Variants in PCDHGA10 observed in about 807,000 individuals in gnomAD.
PCDHGA10 encodes the protein protocadherin gamma subfamily A, 10, also known as protocadherin gamma-A10.
Under a neutral mutation model 59.5 loss-of-function variants are expected in PCDHGA10, and 42 were observed. That is an observed-to-expected ratio of 0.71 (90% confidence interval 0.55 to 0.91). PCDHGA10 has a LOEUF of 0.91. Ranked by LOEUF, PCDHGA10 falls within the 40% of genes least tolerant of loss-of-function variation. The pLI is 0.00. For synonymous variants in PCDHGA10, 511 were observed against 517.2 expected, an observed-to-expected ratio of 0.99 and a Z score of 0.16; for missense variants, 1,111 against 1,198.2, an observed-to-expected ratio of 0.93 and a Z score of 1.07.
At chr5:141,467,693 G>C (rs543886467) in intron 1 of PCDHGA10, among the ~76,000 whole-genome samples, 49 of 152,108 alleles carry the variant, frequency 3.2e-4, no homozygotes, top group African/African-American at 1.1e-3. Flanking sequence ...ACAGGGTCTG[G>C]CTCTGTTGCC....
intron 2 of PCDHGA10, among the ~76,000 whole-genome samples, chr5:141,498,967 G>A (rs896386012): frequency 1.5e-5 from 2 of 129,584 alleles, no homozygotes. Context: ...GAGGGAGGGA[G>A]GGAGGGAAGG....
intron 1 of PCDHGA10, among the ~76,000 whole-genome samples, chr5:141,482,782 G>T (rs775083331): frequency 1.6e-4 from 25 of 152,154 alleles, no homozygotes; most frequent in Non-Finnish European, 3.2e-4. Context: ...ACCTTAAACT[G>T]TGTGTGTGGC....
intron 1 of PCDHGA10, chr5:141,418,309 G>A (rs756375907): frequency 6.2e-7 from 1 of 1,614,008 alleles, no homozygotes; most frequent in South Asian, 1.1e-5. Flanking sequence ...GCCTGGGGAT[G>A]GGAACAATTC....
chr5:141,414,696 A>T lies in PCDHGA10; in HGVS notation c.1521A>T (p.Ser507=). 6.2e-7 allele frequency: 1 copy of T among 1,613,982 alleles called. No individual in the cohort carries two copies. The highest frequency in any genetic ancestry group is 8.5e-7 in the Non-Finnish European group (1 of 1,179,924). Residue 507 remains serine, a synonymous_variant, in exon 1 of 4, where the codon TCA becomes TCT. Coordinates refer to ENST00000398610, the MANE Select transcript of PCDHGA10 (RefSeq NM_018913.3). ...CCATCCAGGGGGTACCTCTGTCCTC[A>T]TACATATCCATCAACTCAGACACTG... The part of the protein sequence containing the change: ...EDTIQGVPLS[S]YISINSDTGV...
intron 1 of PCDHGA10, among the ~76,000 whole-genome samples, chr5:141,468,777 A>T (rs2099178581): frequency 6.7e-6 from 1 of 150,364 alleles, no homozygotes; most frequent in Non-Finnish European, 1.5e-5. Flanking sequence ...GAGGCAGGAG[A>T]ATGGCGTGAA....
chr5:141,458,059 T>A (rs533147047), intron 1 of PCDHGA10, among the ~76,000 whole-genome samples: 1 of 152,238 alleles, frequency 6.6e-6, no homozygotes, highest in Admixed American at 6.5e-5. Flanking sequence ...CTTGCTGCAC[T>A]GATGCGAACA....
chr5:141,437,388 C>T (rs1434464979), intron 1 of PCDHGA10, among the ~76,000 whole-genome samples: 1 of 152,186 alleles, frequency 6.6e-6, no homozygotes, highest in Non-Finnish European at 1.5e-5. Context: ...AGACATTCAT[C>T]CACTGCTTTC....
At position 141,512,951 on chromosome 5, in the gene PCDHGA10, AATAAT is replaced by A. The variant is rs1231390259; in HGVS notation, c.*1780_*1784del. 2.1e-5 allele frequency: 3 copies of A among 141,994 alleles called. No homozygotes were observed. Among genetic ancestry groups the A allele is most frequent in the Non-Finnish European group, 4.8e-5 (3 of 62,372 alleles). The allele number at this position is 141,994 out of a possible 1,614,324, so 8.8% of individuals were successfully genotyped here. A position where few individuals can be genotyped will look rare whatever the true frequency, so the allele number is the denominator to read the frequency against. On this transcript the variant is annotated 3_prime_UTR_variant, in exon 4 of 4. Coordinates refer to ENST00000398610, the MANE Select transcript of PCDHGA10 (RefSeq NM_018913.3). ...TATGGCTTTTTTTCTTCGACAAAAAAATAATAAAACGTTTCTTCTGAAAAGCTGAA... is the reference window on the plus strand; with the variant it reads ...TATGGCTTTTTTTCTTCGACAAAAAAAAAACGTTTCTTCTGAAAAGCTGAA...
In PCDHGA10 at chr5:141,415,396, G is replaced by C. The variant is rs11575962; in HGVS notation, c.2221G>C (p.Gly741Arg). ...ASGGGLTGVSGSHFVGVDGVR... is the reference protein window; with the variant it reads ...ASGGGLTGVSRSHFVGVDGVR... ...AGGAGGCGGCTTGACAGGTGTGTCCGGCTCGCACTTTGTGGGCGTGGACGG... is the reference window on the plus strand; with the variant it reads ...AGGAGGCGGCTTGACAGGTGTGTCCCGCTCGCACTTTGTGGGCGTGGACGG... Residue 741 changes from glycine (G) to arginine (R), a missense_variant, in exon 1 of 4, where the codon GGC becomes CGC. Transcript: ENST00000398610. 1.2e-6 allele frequency: 2 copies of C among 1,614,204 alleles called. No homozygotes were observed. The highest frequency in any genetic ancestry group is 1.7e-6 in the Non-Finnish European group (2 of 1,180,046).
In PCDHGA10 at chr5:141,485,340, C is replaced by T. The variant is rs139641513; in HGVS notation, c.2437-9467C>T. ...GTCGCTCAAGATTTCCTGCTGGATA[C>T]GGACAGTCTGTCAGCTCGCAGGCTG... is the stretch of plus-strand genomic sequence containing the variant. On this transcript the variant is annotated intron_variant, in intron 1 of 3. Coordinates refer to ENST00000398610, the MANE Select transcript of PCDHGA10 (RefSeq NM_018913.3). This position sits in a 1 kb window ranked among gnomAD's most constrained non-coding sequence, Gnocchi z 5.7. 1.2e-6 allele frequency: 2 copies of T among 1,613,958 alleles called. No individual in the cohort carries two copies. Among genetic ancestry groups the T allele is most frequent in the East Asian group, 2.2e-5 (1 of 44,884 alleles).
intron 1 of PCDHGA10, among the ~76,000 whole-genome samples, chr5:141,437,390 A>T (rs1422429346): frequency 6.6e-6 from 1 of 152,248 alleles, no homozygotes; most frequent in Non-Finnish European, 1.5e-5. Flanking sequence ...ACATTCATCC[A>T]CTGCTTTCAT....
At chr5:141,482,530 CAAAAAAA>C (rs3074545) in intron 1 of PCDHGA10, among the ~76,000 whole-genome samples, 2 of 76,560 alleles carry the variant, frequency 2.6e-5, no homozygotes, top group South Asian at 4.6e-4. Flanking sequence ...GACAGACATG[CAAAAAAA>C]AAAAAAAAAA....
chr5:141,414,623 C>G lies in PCDHGA10; in HGVS notation c.1448C>G (p.Pro483Arg). The change falls in exon 1 of 4, where the codon CCG (proline) becomes CGG (arginine). Residue 483 changes from proline (P) to arginine (R), a missense_variant. Physicochemically the swap from Pro to Arg is moderately radical, Grantham distance 103. Transcript: ENST00000398610. ...ATCTTCTCAGTGACAGCGCTGGACC[C>G]GGACAGCAAAGAGAATGCCCAGATT... ...ASIFSVTALD[P>R]DSKENAQIIY... 6.2e-7 allele frequency: 1 copy of G among 1,613,938 alleles called. No homozygotes were observed. The highest frequency in any genetic ancestry group is 1.1e-5 in the South Asian group (1 of 91,076).
At position 141,414,258 on chromosome 5, in the gene PCDHGA10, TG is replaced by T; in HGVS notation, c.1084del (p.Glu362LysfsTer9). The T allele has an allele frequency of 6.2e-7, 1 of 1,613,492 alleles. No homozygotes were observed. The highest frequency in any genetic ancestry group is 8.5e-7 in the Non-Finnish European group (1 of 1,179,736). ...TCACGTCTCTATTTAGTCCAGTGAC[TG>T]AAGATTCACCTCTGGGAACAGTCGT... is the stretch of plus-strand genomic sequence containing the variant. ...TITSLFSPVT[E>X]DSPLGTVVAL... On this transcript the variant is annotated frameshift_variant, in exon 1 of 4. Transcript: ENST00000398610. LOFTEE classifies it high-confidence loss of function.
At chr5:141,433,034 C>G (rs1357694242) in intron 1 of PCDHGA10, 2 of 1,614,184 alleles carry the variant, frequency 1.2e-6, no homozygotes, top group Non-Finnish European at 1.7e-6. Flanking sequence ...CGAGGTTTCC[C>G]TCACCACGGA....
intron 1 of PCDHGA10, among the ~76,000 whole-genome samples, chr5:141,464,648 G>A (rs776411908): frequency 6.6e-6 from 1 of 152,020 alleles, no homozygotes; most frequent in African/African-American, 2.4e-5. Flanking sequence ...AACCTGATGG[G>A]TAAAAAGATA....
At chr5:141,458,662 C>T (rs948275548) in intron 1 of PCDHGA10, among the ~76,000 whole-genome samples, 3 of 152,064 alleles carry the variant, frequency 2.0e-5, no homozygotes, top group East Asian at 1.9e-4. Flanking sequence ...CTCCACCTCT[C>T]GGGTTCAAGC....
Position 141,451,680 on chromosome 5 carries a change from A to G in PCDHGA10, c.2436+36069A>G, listed in dbSNP as rs189200375. Among the ~76,000 whole-genome samples, 85 of 152,310 alleles carry G rather than the reference A, an allele frequency of 5.6e-4. 1 individual carries two copies. The East Asian group carries it at 0.012, about 21-fold the overall frequency. On this transcript the variant is annotated intron_variant, in intron 1 of 3. Coordinates refer to ENST00000398610, the MANE Select transcript of PCDHGA10 (RefSeq NM_018913.3). The stretch of plus-strand genomic sequence containing the variant: ...GTGGACTGCTTGAGCCCAGGAGTTC[A>G]AGACCAGCCTGGGTAACATGACAAA...
chr5:141,423,488 ATTC>A, intron 1 of PCDHGA10: 1 of 1,613,954 alleles, frequency 6.2e-7, no homozygotes, highest in Non-Finnish European at 8.5e-7. Flanking sequence ...CTGCAAACCT[ATTC>A]CCACGAGGTC....
Sources: allele counts gnomAD v4.1 joint callset (sites outside exome capture counted in the v4.1 genomes callset), GRCh38; gene constraint gnomAD v4.1.1; non-coding constraint Gnocchi (gnomAD v3.1); transcripts MANE v1.5; gene names NCBI Gene and HGNC (gene_info 2026-07-23, HGNC 2026-07-21).